OPTC: variants seen among roughly 807,000 people sequenced by gnomAD.
The protein encoded by OPTC is oculoglycan.
OPTC carries 22 observed loss-of-function variants against 25.4 expected under a neutral mutation model. The ratio of observed to expected loss-of-function variants is 0.87; its 90% CI spans 0.62 to 1.24. The LOEUF (loss-of-function observed/expected upper bound fraction) is 1.24, where lower values mean the gene tolerates loss of function less well. Ranked by LOEUF, OPTC falls within the 50% of genes most tolerant of loss-of-function variation. The pLI is 0.00. For synonymous variants in OPTC, 169 were observed against 179.3 expected, an observed-to-expected ratio of 0.94 and a Z score of 0.46; for missense variants, 417 against 425.2, an observed-to-expected ratio of 0.98 and a Z score of 0.17.
intron 7 of OPTC, among the ~76,000 whole-genome samples, chr1:203,505,805 G>A (rs1361327720): frequency 1.3e-5 from 2 of 152,160 alleles, no homozygotes; most frequent in East Asian, 1.9e-4. Context: ...AGGGAAGGAC[G>A]GGGAAGGCAG....
chr1:203,500,926 T>C (rs1170299371), intron 5 of OPTC, among the ~76,000 whole-genome samples: 8 of 152,194 alleles, frequency 5.3e-5, no homozygotes, highest in African/African-American at 1.9e-4. Flanking sequence ...ACCTGTTTGC[T>C]CACCAGCATC....
In OPTC at chr1:203,496,968, C is replaced by T. The variant is rs374413510; in HGVS notation, c.232-9C>T. 10 of 1,613,970 alleles carry T rather than the reference C, an allele frequency of 6.2e-6. No homozygotes were observed. In the South Asian group the frequency reaches 1.1e-4, roughly 18 times the overall value. On this transcript the variant is annotated splice_polypyrimidine_tract_variant and intron_variant, in intron 2 of 7. Coordinates refer to ENST00000367222, the MANE Select transcript of OPTC (RefSeq NM_014359.4). ...CTGGGCTACTGTGTACTCTGTGCTACATCTCCAGGTTAAGGTGACTAGCCT... is the reference window on the plus strand; with the variant it reads ...CTGGGCTACTGTGTACTCTGTGCTATATCTCCAGGTTAAGGTGACTAGCCT...
intron 7 of OPTC, among the ~76,000 whole-genome samples, chr1:203,508,428 C>T (rs1030976541): frequency 3.3e-5 from 5 of 152,300 alleles, no homozygotes; most frequent in South Asian, 2.1e-4. Context: ...CAAAGACACA[C>T]GGCCCCCCAT....
At chr1:203,495,296 A>T (rs1661259416) in intron 1 of OPTC, among the ~76,000 whole-genome samples, 1 of 152,218 alleles carries the variant, frequency 6.6e-6, no homozygotes, top group Admixed American at 6.5e-5. Flanking sequence ...GGGTGGGTGG[A>T]TCACCTAAGG....
chr1:203,495,941 C>T lies in OPTC; in HGVS notation c.-41-24C>T. The T allele has an allele frequency of 4.5e-6, 5 of 1,103,892 alleles. No homozygotes were observed. In the Middle Eastern group the frequency reaches 8.0e-4, roughly 177 times the overall value. The allele number at this position is 1,103,892 out of a possible 1,614,324, so 68.4% of individuals were successfully genotyped here. A position where few individuals can be genotyped will look rare whatever the true frequency, so the allele number is the denominator to read the frequency against. ...GGAGAGCCTGTCCCTCAGATCGCTGCCCTTCCTCGTGCCCACTTGCCAGGA... is the reference window on the plus strand; with the variant it reads ...GGAGAGCCTGTCCCTCAGATCGCTGTCCTTCCTCGTGCCCACTTGCCAGGA... On this transcript the variant is annotated intron_variant, in intron 1 of 7. Coordinates refer to ENST00000367222, the MANE Select transcript of OPTC (RefSeq NM_014359.4).
At chr1:203,506,145 C>CTTTT (rs78639556) in intron 7 of OPTC, among the ~76,000 whole-genome samples, 2 of 89,462 alleles carry the variant, frequency 2.2e-5, no homozygotes, top group Non-Finnish European at 2.7e-5. Flanking sequence ...ATCCAATTTT[C>CTTTT]TTTTTTCTTT....
intron 2 of OPTC, among the ~76,000 whole-genome samples, chr1:203,496,520 A>G (rs1219482907): frequency 4.6e-5 from 7 of 152,142 alleles, no homozygotes; most frequent in Admixed American, 6.5e-5. Context: ...TTCTCTAGGA[A>G]ATAAAAGTGC....
chr1:203,498,425 C>A (rs536644662), intron 3 of OPTC, among the ~76,000 whole-genome samples: 54 of 152,298 alleles, frequency 3.5e-4, no homozygotes, highest in African/African-American at 1.3e-3. Flanking sequence ...GTACACAGAA[C>A]CAGGGTCTGC....
At chr1:203,499,962 C>A in intron 5 of OPTC, 111 bp downstream of exon 5, 1 of 883,190 alleles carries the variant, frequency 1.1e-6, no homozygotes, top group Non-Finnish European at 1.8e-6. Flanking sequence ...CCACCTCCAC[C>A]TCTACCACCC....
chr1:203,502,195 G>T (rs754298401), intron 5 of OPTC, among the ~76,000 whole-genome samples: 5 of 152,172 alleles, frequency 3.3e-5, no homozygotes, highest in African/African-American at 9.7e-5. Context: ...CCTGCTGAAG[G>T]CTTGTCTCTT....
intron 6 of OPTC, 145 bp downstream of exon 6, chr1:203,503,154 T>C: frequency 2.8e-6 from 2 of 710,080 alleles, no homozygotes; most frequent in East Asian, 5.4e-5. Context: ...AGACAAGGAT[T>C]GGGAGGTCTT....
At chr1:203,497,711 G>A (rs3766904) in intron 3 of OPTC, among the ~76,000 whole-genome samples, 7,766 of 152,172 alleles carry the variant, frequency 0.051, 379 homozygotes, top group Admixed American at 0.16. Flanking sequence ...TTCTCTTCTC[G>A]GGATGTTTGC....
chr1:203,503,801 C>A, intron 7 of OPTC, 56 bp downstream of exon 7: 1 of 1,450,786 alleles, frequency 6.9e-7, no homozygotes, highest in South Asian at 1.1e-5. Flanking sequence ...AAGCCCAATT[C>A]CTTATCTTTA....
chr1:203,508,299 A>G (rs930382220), intron 7 of OPTC, among the ~76,000 whole-genome samples: 1 of 152,146 alleles, frequency 6.6e-6, no homozygotes, highest in African/African-American at 2.4e-5. Flanking sequence ...CCCAGGCTAG[A>G]AAAAGGGGGG....
chr1:203,497,880 T>G (rs952324811), intron 3 of OPTC, among the ~76,000 whole-genome samples: 7 of 152,154 alleles, frequency 4.6e-5, no homozygotes, highest in Non-Finnish European at 7.4e-5. Context: ...CTGGGGCCCC[T>G]CTGCTCTACC....
chr1:203,495,988 A>C lies in OPTC; in HGVS notation c.-18A>C. ...AGGACCAGCCGCTGAAGGGATTCTC[A>C]GTCCCATCTGACTCCCCATGAGGCT... On this transcript the variant is annotated 5_prime_UTR_variant, in exon 2 of 8. Transcript: ENST00000367222. 6.3e-7 allele frequency: 1 copy of C among 1,579,002 alleles called. No individual in the cohort carries two copies. Among genetic ancestry groups the C allele is most frequent in the Non-Finnish European group, 8.7e-7 (1 of 1,153,276 alleles).
At chr1:203,496,831 C>T (rs1661288386) in intron 2 of OPTC, 146 bp from the exon 3 acceptor site, 1 of 827,044 alleles carries the variant, frequency 1.2e-6, no homozygotes, top group Non-Finnish European at 2.0e-6. Flanking sequence ...CCCCTTTTTG[C>T]ACAGTCTTTC....
chr1:203,495,835 G>T (rs1322125100), intron 1 of OPTC, 130 bp from the exon 2 acceptor site: 1 of 653,728 alleles, frequency 1.5e-6, no homozygotes, highest in Non-Finnish European at 2.8e-6. Context: ...TAGGGAATTT[G>T]TGCATGTGAT....
Position 203,495,558 on chromosome 1 carries a change from T to C in OPTC, c.-41-407T>C, listed in dbSNP as rs538682224. On this transcript the variant is annotated intron_variant, in intron 1 of 7. Transcript: ENST00000367222. ...AAAAAGACCCCATAAGATTATTTGA[T>C]GTTGACATTCTCTAAATCGAGCTTA... is the stretch of plus-strand genomic sequence containing the variant. Among the ~76,000 whole-genome samples the C allele has an allele frequency of 2.6e-5, 4 of 152,266 alleles. No individual in the cohort carries two copies. In the South Asian group the frequency reaches 8.3e-4, roughly 32 times the overall value.
Sources: allele counts gnomAD v4.1 joint callset (sites outside exome capture counted in the v4.1 genomes callset), GRCh38; gene constraint gnomAD v4.1.1; transcripts MANE v1.5; gene names NCBI Gene and HGNC (gene_info 2026-07-23, HGNC 2026-07-21).